The following ZEB1 variants were observed in gnomAD, a reference collection of about 807,000 sequenced individuals.
ZEB1 encodes the protein zinc finger E-box binding homeobox 1.
A neutral mutation model predicts 84.9 loss-of-function variants in ZEB1; 21 were observed. The ratio of observed to expected loss-of-function variants is 0.25; its 90% CI spans 0.18 to 0.36. The LOEUF is 0.36. Among genes scored for constraint, ZEB1 ranks in the 10% least tolerant of loss-of-function variants. The pLI is 1.00. For missense variants in ZEB1, 1,104 were observed against 1,330.2 expected (o/e 0.83, Z 2.65); for synonymous variants, 420 against 471.1 (o/e 0.89, Z 1.41).
intron 1 of ZEB1, among the ~76,000 whole-genome samples, chr10:31,368,936 G>A (rs2045138749): frequency 6.6e-6 from 1 of 152,212 alleles, no homozygotes; most frequent in Non-Finnish European, 1.5e-5. Flanking sequence ...TAACAAGCAT[G>A]TTGTGCTTTG....
chr10:31,432,562 G>A (rs1048976072), intron 1 of ZEB1, among the ~76,000 whole-genome samples: 4 of 152,114 alleles, frequency 2.6e-5, no homozygotes, highest in Admixed American at 6.6e-5. Context: ...GCACTCCAGC[G>A]TGAGCAACAG....
At chr10:31,362,344 C>T (rs1414313554) in intron 1 of ZEB1, among the ~76,000 whole-genome samples, 1 of 151,260 alleles carries the variant, frequency 6.6e-6, no homozygotes, top group Non-Finnish European at 1.5e-5. Flanking sequence ...AGCAGAGGCG[C>T]TCCTCACTTC....
At chr10:31,375,043 T>TCACACACACA (rs1554828391) in intron 1 of ZEB1, 3 of 43,580 alleles carry the variant, frequency 6.9e-5, no homozygotes, top group Non-Finnish European at 1.1e-4. Flanking sequence ...TTTATGTTTT[T>TCACACACACA]CATACACACA....
At chr10:31,361,119 G>A in intron 1 of ZEB1, 9 of 1,611,962 alleles carry the variant, frequency 5.6e-6, no homozygotes, top group Non-Finnish European at 7.6e-6. Flanking sequence ...TTACAGTCAA[G>A]GAAAAAGAAG....
At chr10:31,356,349 T>C (rs2042116644) in intron 1 of ZEB1, among the ~76,000 whole-genome samples, 1 of 135,430 alleles carries the variant, frequency 7.4e-6, no homozygotes, top group Non-Finnish European at 1.5e-5. Flanking sequence ...ACATATATGA[T>C]GTGTATATAT....
chr10:31,392,459 T>A (rs549900590), intron 1 of ZEB1, among the ~76,000 whole-genome samples: 1 of 152,284 alleles, frequency 6.6e-6, no homozygotes, highest in African/African-American at 2.4e-5. Context: ...ATACACTTCC[T>A]GTTGGTTTTC....
chr10:31,323,565 T>TTTA (rs1347833803), intron 1 of ZEB1, among the ~76,000 whole-genome samples: 1 of 152,080 alleles, frequency 6.6e-6, no homozygotes, highest in Non-Finnish European at 1.5e-5. Flanking sequence ...GTGCATACGT[T>TTTA]TTAAATTTGT....
intron 1 of ZEB1, among the ~76,000 whole-genome samples, chr10:31,413,426 T>G (rs1224179560): frequency 6.6e-6 from 1 of 151,780 alleles, no homozygotes; most frequent in Non-Finnish European, 1.5e-5. Context: ...AAATTGCTTT[T>G]GATAAGCTTC....
chr10:31,418,218 C>G (rs1226968316), intron 1 of ZEB1, among the ~76,000 whole-genome samples: 3 of 151,862 alleles, frequency 2.0e-5, no homozygotes, highest in Non-Finnish European at 2.9e-5. Context: ...AGCGCCACCT[C>G]TGAGAGGAAG....
At chr10:31,360,273 A>G (rs2042795328) in intron 1 of ZEB1, among the ~76,000 whole-genome samples, 1 of 152,190 alleles carries the variant, frequency 6.6e-6, no homozygotes. Context: ...AGCTAGACAA[A>G]CATGATGGGA....
intron 1 of ZEB1, among the ~76,000 whole-genome samples, chr10:31,333,839 C>T (rs989688427): frequency 1.3e-5 from 2 of 151,954 alleles, no homozygotes; most frequent in African/African-American, 4.8e-5. Context: ...AGCATATTCT[C>T]GCTTGAAAGT....
chr10:31,352,180 A>G (rs1391695576), intron 1 of ZEB1, among the ~76,000 whole-genome samples: 1 of 152,144 alleles, frequency 6.6e-6, no homozygotes, highest in African/African-American at 2.4e-5. Context: ...CATAAGACTT[A>G]GTGTTTCACT....
At chr10:31,373,276 C>T in intron 1 of ZEB1, 2 of 960,144 alleles carry the variant, frequency 2.1e-6, no homozygotes, top group Non-Finnish European at 2.5e-6. Flanking sequence ...AAATCTAGGA[C>T]ATAATGACAA....
At chr10:31,446,155 G>T (rs1427764249) in intron 1 of ZEB1, among the ~76,000 whole-genome samples, 2 of 152,090 alleles carry the variant, frequency 1.3e-5, no homozygotes, top group Admixed American at 1.3e-4. Flanking sequence ...GAGAGTGTAT[G>T]TGTCGAGGAA....
chr10:31,492,216 A>G (rs768092044), intron 2 of ZEB1, among the ~76,000 whole-genome samples: 15 of 151,906 alleles, frequency 9.9e-5, no homozygotes, highest in African/African-American at 1.4e-4. Flanking sequence ...AGACTTTTCA[A>G]CTTTACAGTG....
At chr10:31,325,223 A>T (rs1409579761) in intron 1 of ZEB1, among the ~76,000 whole-genome samples, 3 of 152,038 alleles carry the variant, frequency 2.0e-5, no homozygotes, top group Non-Finnish European at 4.4e-5. Context: ...AATTTTTAGA[A>T]CTTCATTAAT....
At chr10:31,434,941 A>T (rs966333631) in intron 1 of ZEB1, among the ~76,000 whole-genome samples, 2 of 152,166 alleles carry the variant, frequency 1.3e-5, no homozygotes, top group Admixed American at 1.3e-4. Context: ...CATGGAGCTT[A>T]CATTTTAGTG....
chr10:31,516,789 T>C (rs1440493719), intron 6 of ZEB1, among the ~76,000 whole-genome samples: 3 of 152,016 alleles, frequency 2.0e-5, no homozygotes, highest in Admixed American at 6.6e-5. Context: ...CAAAGTGCTA[T>C]TTAGGAAAAG....
chr10:31,454,769 A>G (rs2060998141), intron 1 of ZEB1, among the ~76,000 whole-genome samples: 1 of 152,248 alleles, frequency 6.6e-6, no homozygotes, highest in Non-Finnish European at 1.5e-5. Flanking sequence ...AGAGGACACA[A>G]CAAATGGAAA....
Sources: gnomAD v4.1 joint callset for allele counts (sites outside exome capture counted in the v4.1 genomes callset) on GRCh38, gnomAD v4.1.1 for gene constraint, MANE v1.5 for transcripts, NCBI Gene and HGNC (gene_info 2026-07-23, HGNC 2026-07-21) for gene names.